Variants in NCF2 observed in about 807,000 individuals in gnomAD.
NCF2 encodes the protein neutrophil cytosolic factor 2, also known as neutrophil cytosol factor 2.
NCF2 carries 45 observed loss-of-function variants against 70.9 expected under a neutral mutation model. That is an observed-to-expected ratio of 0.63 (90% CI 0.50 to 0.81). NCF2 has a LOEUF of 0.81. Among genes scored for constraint, NCF2 ranks in the 40% least tolerant of loss-of-function variants. The probability of loss-of-function intolerance (pLI) is 0.00; values close to 1 mark genes in which losing one functional copy is unlikely to be tolerated. For synonymous variants in NCF2, 203 were observed against 233.6 expected (o/e 0.87, Z 1.19); for missense variants, 522 against 631.6 (o/e 0.83, Z 1.86).
chr1:183,599,423 C>CT, the NCF2 span, among the ~76,000 whole-genome samples: 250 of 107,508 alleles, frequency 2.3e-3, no homozygotes, highest in Middle Eastern at 4.8e-3. Flanking sequence ...TCTTTCTTTC[C>CT]TTCTTTCTTT....
chr1:183,563,406 C>T lies in NCF2; in HGVS notation c.1178+28G>A, dbSNP rs757516561. On this transcript the variant is annotated intron_variant, in intron 12 of 14. Coordinates refer to ENST00000367535, the MANE Select transcript of NCF2 (RefSeq NM_000433.4). ...GGCCAGCACAAGGTTCCCACTGTAC[C>T]CCTCACAGCTGCCTGCATGGAGCTC... is the stretch of plus-strand genomic sequence containing the variant. 8 of 1,614,114 alleles carry T rather than the reference C, an allele frequency of 5.0e-6. No homozygotes were observed. The South Asian group carries it at 8.8e-5, about 18-fold the overall frequency.
chr1:183,589,315 T>A (rs1403882129), intron 1 of NCF2, among the ~76,000 whole-genome samples: 2 of 152,162 alleles, frequency 1.3e-5, no homozygotes, highest in Non-Finnish European at 2.9e-5. Context: ...ACATTAATAG[T>A]TTGGCATCTC....
the NCF2 span, among the ~76,000 whole-genome samples, chr1:183,599,983 T>A: frequency 6.6e-6 from 1 of 152,236 alleles, no homozygotes; most frequent in Non-Finnish European, 1.5e-5. Flanking sequence ...GTTCACTGAA[T>A]CTTCTTAACA....
rs1205691607 is a variant in NCF2 at position 183,555,725 on chromosome 1, T to G, written c.*393A>C. 4.0e-5 allele frequency: 8 copies of G among 199,446 alleles called. No individual in the cohort carries two copies. The highest frequency in any genetic ancestry group is 6.2e-5 in the Non-Finnish European group (6 of 96,976). 12.4% of individuals were successfully genotyped at this position (199,446 alleles called of 1,614,324 possible). ...TGTCTTGTTTTTGTAAGATGCTAGG[T>G]TTTTTTTTATTGTGGTATGACACAG... is the stretch of plus-strand genomic sequence containing the variant. On this transcript the variant is annotated 3_prime_UTR_variant, in exon 15 of 15. Transcript: ENST00000367535.
At chr1:183,573,060 T>C in intron 5 of NCF2, 125 bp downstream of exon 5, 1 of 862,428 alleles carries the variant, frequency 1.2e-6, no homozygotes, top group Non-Finnish European at 2.0e-6. Flanking sequence ...TATAAACAAG[T>C]CTCTCATTGC....
chr1:183,563,274 G>A lies in NCF2; in HGVS notation c.1211C>T (p.Pro404Leu). Residue 404 changes from proline (P) to leucine (L), a missense_variant, in exon 13 of 15, where the codon CCC (proline) becomes CTC (leucine). Pro to Leu is a moderately conservative substitution (Grantham distance 98, BLOSUM62 -3). Transcript: ENST00000367535. ...ATCCTTCATGCTGTCTTCTGAAAGG[G>A]GCACCAGCTCATTGCTGTCCCGAGG... ...YRPRDSNELV[P>L]LSEDSMKDAW... is the part of the protein sequence containing the mutation. 2.5e-6 allele frequency: 4 copies of A among 1,614,146 alleles called. No individual in the cohort carries two copies. Among genetic ancestry groups the A allele is most frequent in the Non-Finnish European group, 3.4e-6 (4 of 1,180,028 alleles).
chr1:183,574,776 T>G (rs1333351038), intron 3 of NCF2, among the ~76,000 whole-genome samples, 155 bp from the exon 4 acceptor site: 1 of 152,210 alleles, frequency 6.6e-6, no homozygotes, highest in Non-Finnish European at 1.5e-5. Context: ...CAATTAGTCT[T>G]GCTATTGAGT....
chr1:183,601,621 G>T, the NCF2 span, among the ~76,000 whole-genome samples: 19 of 152,044 alleles, frequency 1.2e-4, no homozygotes, highest in African/African-American at 4.6e-4. Flanking sequence ...ACTTTGGGAG[G>T]TTGAGGCGGG....
At chr1:183,584,436 T>C (rs1673247048) in intron 2 of NCF2, among the ~76,000 whole-genome samples, 1 of 152,220 alleles carries the variant, frequency 6.6e-6, no homozygotes, top group African/African-American at 2.4e-5. Flanking sequence ...GGTAGATTTT[T>C]CTCTCAGGTG....
intron 14 of NCF2, among the ~76,000 whole-genome samples, chr1:183,559,069 G>C (rs903968797): frequency 2.0e-5 from 3 of 152,180 alleles, no homozygotes; most frequent in African/African-American, 7.2e-5. Flanking sequence ...AGTGTAGGCA[G>C]TAGACCAGCA....
rs549034602 is a variant in NCF2, at chr1:183,576,746, G to A, written c.366+853C>T. 5.3e-5 allele frequency among the ~76,000 whole-genome samples: 8 copies of A among 152,262 alleles called. No homozygotes were observed. The East Asian group carries it at 9.6e-4, about 18-fold the overall frequency. On this transcript the variant is annotated intron_variant, in intron 3 of 14. Transcript: ENST00000367535. Reference sequence around the variant, plus strand: ...CCATATGTCCCCAGGGGCCGAGGGCGGCTACAGACTCTATTATTAGCCCTG... The same window carrying A: ...CCATATGTCCCCAGGGGCCGAGGGCAGCTACAGACTCTATTATTAGCCCTG...
At chr1:183,559,976 G>A (rs774630934) in intron 14 of NCF2, 120 bp downstream of exon 14, 4 of 1,085,298 alleles carry the variant, frequency 3.7e-6, no homozygotes, top group Non-Finnish European at 5.5e-6. Context: ...TGCTAGGAAG[G>A]GGGTTGAAAA....
chr1:183,558,646 A>G (rs1572145189), intron 14 of NCF2, among the ~76,000 whole-genome samples: 1 of 150,948 alleles, frequency 6.6e-6, no homozygotes, highest in Non-Finnish European at 1.5e-5. Flanking sequence ...GCTCACTGCA[A>G]CCTCCACTCC....
Position 183,575,089 on chromosome 1 carries a change from G to T in NCF2, c.367-468C>A, listed in dbSNP as rs193003167. ...GTACCTAGGCTGAAACACTGGACAG[G>T]TACAGAGCCGGAAGATGGATCAAGA... On this transcript the variant is annotated intron_variant, in intron 3 of 14. Transcript: ENST00000367535. Among the ~76,000 whole-genome samples, 148 of 152,340 alleles carry T rather than the reference G, an allele frequency of 9.7e-4. 3 individuals are homozygous for T. Among genetic ancestry groups the T allele is most frequent in the Middle Eastern group, 6.8e-3 (2 of 294 alleles).
intron 14 of NCF2, among the ~76,000 whole-genome samples, chr1:183,559,870 C>G (rs1671963801): frequency 6.6e-6 from 1 of 152,048 alleles, no homozygotes; most frequent in Admixed American, 6.6e-5. Context: ...AAAACAAAAA[C>G]AAAAACAAAA....
intron 1 of NCF2, among the ~76,000 whole-genome samples, chr1:183,589,909 T>G (rs538716172): frequency 6.6e-6 from 1 of 152,224 alleles, no homozygotes; most frequent in African/African-American, 2.4e-5. Flanking sequence ...TAGAATGATT[T>G]TAATTTAGAA....
intron 2 of NCF2, among the ~76,000 whole-genome samples, chr1:183,582,549 G>A (rs1673164532): frequency 6.6e-6 from 1 of 152,164 alleles, no homozygotes. Context: ...TGCCCCATGC[G>A]TCCAGAGTCC....
At chr1:183,572,192 T>C (rs777284121) in intron 5 of NCF2, among the ~76,000 whole-genome samples, 2 of 152,148 alleles carry the variant, frequency 1.3e-5, no homozygotes, top group African/African-American at 2.4e-5. Flanking sequence ...ATTATTATTA[T>C]TACTATTTTG....
chr1:183,556,148 T>C lies in NCF2; in HGVS notation c.1551A>G (p.Thr517=). The C allele has an allele frequency of 1.2e-6, 2 of 1,614,196 alleles. No individual in the cohort carries two copies. Among genetic ancestry groups the C allele is most frequent in the Non-Finnish European group, 1.7e-6 (2 of 1,180,002 alleles). Residue 517 remains threonine, a synonymous_variant, in exon 15 of 15, where the codon ACA becomes ACG. Transcript: ENST00000367535. The stretch of plus-strand genomic sequence containing the variant: ...CTTCTCTCCGAGTGCTTTCCAAATC[T>C]GTAGTTGCGCAGTCTTCAACAAAAA... ...PKVFVEDCAT[T]DLESTRREV
Sources: gnomAD v4.1 joint callset for allele counts (sites outside exome capture counted in the v4.1 genomes callset) on GRCh38, gnomAD v4.1.1 for gene constraint, MANE v1.5 for transcripts, NCBI Gene and HGNC (gene_info 2026-07-23, HGNC 2026-07-21) for gene names.